The following SLC25A25 variants were observed in gnomAD, a reference collection of about 807,000 sequenced individuals.
SLC25A25 encodes solute carrier family 25 member 25, also known as mitochondrial adenyl nucleotide antiporter SLC25A25.
In SLC25A25, 32 loss-of-function variants were observed where a neutral mutation model predicts 57.7. That is an observed-to-expected ratio of 0.55 (90% CI 0.42 to 0.74). The LOEUF is 0.74. SLC25A25 is among the 30% of genes least tolerant of loss of function. The probability of loss-of-function intolerance (pLI) is 0.00; values close to 1 mark genes in which losing one functional copy is unlikely to be tolerated. For missense variants in SLC25A25, 556 were observed against 701.3 expected, an observed-to-expected ratio of 0.79 and a Z score of 2.34; for synonymous variants, 306 against 291.2, an observed-to-expected ratio of 1.05 and a Z score of -0.52.
chr9:128,074,840 A>G (rs1832976597), intron 1 of SLC25A25, among the ~76,000 whole-genome samples: 1 of 152,040 alleles, frequency 6.6e-6, no homozygotes, highest in South Asian at 2.1e-4. Context: ...GTCTCTACAA[A>G]AAATACAAAA....
Position 128,103,837 on chromosome 9 carries a change from C to A in SLC25A25, c.781C>A (p.Gln261Lys). ...APLDRLKVLMQVHASRSNNMG... is the reference protein window; with the variant it reads ...APLDRLKVLMKVHASRSNNMG... ...CCTGGACAGGCTCAAGGTGCTCATG[C>A]AGGTATGTAGGGAAAAGGCCCCAGA... is the stretch of plus-strand genomic sequence containing the variant. The change falls in exon 6 of 11, where the codon CAG becomes AAG. Residue 261 changes from glutamine (Q) to lysine (K), a missense_variant and splice_region_variant. Physicochemically the swap from Gln to Lys is moderately conservative, Grantham distance 53. Transcript: ENST00000373069. This position sits in a 1 kb window ranked among gnomAD's most constrained non-coding sequence, Gnocchi z 6.7. The A allele has an allele frequency of 1.3e-6, 2 of 1,588,838 alleles. No homozygotes were observed. Among genetic ancestry groups the A allele is most frequent in the South Asian group, 1.1e-5 (1 of 87,332 alleles).
rs763022200 is a variant in SLC25A25, at chr9:128,103,800, C to T, written c.744C>T (p.Thr248=). 1.2e-6 allele frequency: 2 copies of T among 1,612,374 alleles called. No homozygotes were observed. The highest frequency in any genetic ancestry group is 1.1e-5 in the South Asian group (1 of 90,904). Residue 248 remains threonine, a synonymous_variant, in exon 6 of 11, where the codon ACC becomes ACT. Coordinates refer to ENST00000373069, the MANE Select transcript of SLC25A25 (RefSeq NM_001330988.2). The surrounding 1 kb of genome is among the most constrained non-coding windows in gnomAD (Gnocchi z 6.7). ...AGGGAGAVSR[T]CTAPLDRLKV... is the part of the protein sequence containing the mutation. ...GTGGGGCAGGGGCCGTATCCAGAAC[C>T]TGCACGGCCCCCCTGGACAGGCTCA...
chr9:128,090,682 G>A (rs1341383295), intron 1 of SLC25A25, among the ~76,000 whole-genome samples: 1 of 152,056 alleles, frequency 6.6e-6, no homozygotes, highest in Non-Finnish European at 1.5e-5. Flanking sequence ...ATGGTGGCAG[G>A]TGCCTGTAAT....
chr9:128,100,703 G>A (rs1159831698), intron 1 of SLC25A25, among the ~76,000 whole-genome samples: 3 of 152,216 alleles, frequency 2.0e-5, no homozygotes, highest in Non-Finnish European at 4.4e-5. Flanking sequence ...TTGAAGCCTG[G>A]GTCCAGGGAC....
chr9:128,084,564 C>T (rs1480999121), intron 1 of SLC25A25, among the ~76,000 whole-genome samples: 1 of 151,398 alleles, frequency 6.6e-6, no homozygotes, highest in Admixed American at 6.6e-5. Flanking sequence ...TGGAAGCCCC[C>T]GCCTTCAAGT....
chr9:128,107,265 A>AT lies in SLC25A25; in HGVS notation c.1371dup (p.Glu458Ter), dbSNP rs1166226248. ...TGGTGGCCTCCATCCTGCAGCCTCT[A>AT]TTGAGGGCGCTCCGGAGGTGACCAT... is the stretch of plus-strand genomic sequence containing the variant. On this transcript the variant is annotated frameshift_variant, in exon 11 of 11. Coordinates refer to ENST00000373069, the MANE Select transcript of SLC25A25 (RefSeq NM_001330988.2). LOFTEE classifies it high-confidence loss of function. 1 of 1,603,638 alleles carries AT rather than the reference A, an allele frequency of 6.2e-7. No homozygotes were observed. Among genetic ancestry groups the AT allele is most frequent in the Non-Finnish European group, 8.5e-7 (1 of 1,172,646 alleles).
chr9:128,101,148 A>C lies in SLC25A25; in HGVS notation c.314A>C (p.Glu105Ala). 2 of 1,614,262 alleles carry C rather than the reference A, an allele frequency of 1.2e-6. No homozygotes were observed. The highest frequency in any genetic ancestry group is 1.7e-6 in the Non-Finnish European group (2 of 1,180,048). The change falls in exon 2 of 11, where the codon GAA becomes GCA. Residue 105 changes from glutamate (E) to alanine (A), a missense_variant. Around this residue, in one of 3 missense-constraint regions of SLC25A25, gnomAD observed 248 missense variants for 273.5 expected, o/e 0.91. Coordinates refer to ENST00000373069, the MANE Select transcript of SLC25A25 (RefSeq NM_001330988.2). The surrounding 1 kb of genome is among the most constrained non-coding windows in gnomAD (Gnocchi z 4.9). The stretch of plus-strand genomic sequence containing the variant: ...CTTGATGGGCAGCTAGACTTTGAAG[A>C]ATTTGTCCATTATCTCCAAGATCAT... The part of the protein sequence containing the change: ...KDLDGQLDFE[E>A]FVHYLQDHEK...
intron 1 of SLC25A25, among the ~76,000 whole-genome samples, chr9:128,089,382 T>C (rs1268286644): frequency 6.6e-6 from 1 of 152,184 alleles, no homozygotes; most frequent in African/African-American, 2.4e-5. Context: ...AAGTACTAAC[T>C]CCATTTTGCA....
intron 1 of SLC25A25, among the ~76,000 whole-genome samples, chr9:128,084,157 G>A (rs570761365): frequency 1.3e-5 from 2 of 151,994 alleles, no homozygotes; most frequent in Non-Finnish European, 2.9e-5. Context: ...CCAAGTAAAC[G>A]CGAAAAACTA....
intron 1 of SLC25A25, among the ~76,000 whole-genome samples, chr9:128,084,895 A>G (rs1247565922): frequency 6.6e-6 from 1 of 152,228 alleles, no homozygotes; most frequent in East Asian, 1.9e-4. Flanking sequence ...TTTATAAGCT[A>G]CTTTTACAAG....
intron 1 of SLC25A25, among the ~76,000 whole-genome samples, chr9:128,096,777 A>T (rs4837236): frequency 0.13 from 19,096 of 152,240 alleles, 1,307 homozygotes; most frequent in South Asian, 0.22. Flanking sequence ...CTGGTGGTAG[A>T]GATAAGAGGC....
chr9:128,095,641 A>G lies in SLC25A25; in HGVS notation c.262-5455A>G, dbSNP rs1833533497. Among the ~76,000 whole-genome samples, 1 of 152,184 alleles carries G rather than the reference A, an allele frequency of 6.6e-6. No individual in the cohort carries two copies. The highest frequency in any genetic ancestry group is 2.1e-4 in the South Asian group (1 of 4,830). ...TGAGACTCAGTCACAGCAGCAAATA[A>G]GTTAGAACCCTTTTAAAAATTAGCT... On this transcript the variant is annotated intron_variant, in intron 1 of 10. Transcript: ENST00000373069. This position sits in a 1 kb window ranked among gnomAD's most constrained non-coding sequence, Gnocchi z 4.4.
At chr9:128,100,096 G>A (rs1833725450) in intron 1 of SLC25A25, among the ~76,000 whole-genome samples, 1 of 152,180 alleles carries the variant, frequency 6.6e-6, no homozygotes, top group Admixed American at 6.5e-5. Flanking sequence ...CACTTCCCTA[G>A]CTGTCTGACC....
intron 1 of SLC25A25, among the ~76,000 whole-genome samples, chr9:128,097,258 G>C (rs1833588116): frequency 6.6e-6 from 1 of 152,194 alleles, no homozygotes; most frequent in East Asian, 1.9e-4. Context: ...CGAATCTGTG[G>C]GGAAGGAATG....
chr9:128,101,959 G>T lies in SLC25A25; in HGVS notation c.477-121G>T, dbSNP rs927467579. 2.7e-6 allele frequency: 3 copies of T among 1,131,586 alleles called. No homozygotes were observed. In the African/African-American group the frequency reaches 4.6e-5, roughly 17 times the overall value. The allele number at this position is 1,131,586 out of a possible 1,614,324, so 70.1% of individuals were successfully genotyped here. On this transcript the variant is annotated intron_variant, in intron 3 of 10. Transcript: ENST00000373069. The surrounding 1 kb of genome is among the most constrained non-coding windows in gnomAD (Gnocchi z 4.9). ...GCCCTGGGCTCAGCTGCTGTGGCGG[G>T]CTCGTCTCGTGCCGTGCTGTGCCCC...
In SLC25A25 at chr9:128,077,986, A is replaced by C. The variant is rs140244574; in HGVS notation, c.261+9406A>C. On this transcript the variant is annotated intron_variant, in intron 1 of 10. Coordinates refer to ENST00000373069, the MANE Select transcript of SLC25A25 (RefSeq NM_001330988.2). ...GGTTGCAGTGAACCGAGACTGCGCC[A>C]CTGCACTCCAGTCTGGTCAACAGAG... is the stretch of plus-strand genomic sequence containing the variant. 7.8e-4 allele frequency among the ~76,000 whole-genome samples: 118 copies of C among 151,782 alleles called. 1 individual carries two copies. The East Asian group carries it at 0.021, about 27-fold the overall frequency.
At chr9:128,076,406 C>T (rs1588748583) in intron 1 of SLC25A25, among the ~76,000 whole-genome samples, 1 of 152,238 alleles carries the variant, frequency 6.6e-6, no homozygotes, top group East Asian at 1.9e-4. Context: ...GTTAGGATTA[C>T]AGGCATGAGC....
In SLC25A25 at chr9:128,105,158, C is replaced by CTTT. The variant is rs11351573; in HGVS notation, c.784-545_784-543dup. Among the ~76,000 whole-genome samples the CTTT allele has an allele frequency of 1.3e-3, 37 of 29,176 alleles. 1 individual carries two copies. Among genetic ancestry groups the CTTT allele is most frequent in the African/African-American group, 5.7e-3 (36 of 6,276 alleles). The allele number at this position is 29,176 out of a possible 152,430, so 19.1% of individuals were successfully genotyped here. A position where few individuals can be genotyped will look rare whatever the true frequency, so the allele number is the denominator to read the frequency against. On this transcript the variant is annotated intron_variant, in intron 6 of 10. Transcript: ENST00000373069. ...ACAGATGTGAGCCAACACTCCCGGC[C>CTTT]TTTTTTTTTTTTTTTTTTTTTTTTT...
intron 1 of SLC25A25, among the ~76,000 whole-genome samples, chr9:128,086,760 G>A: frequency 6.6e-6 from 1 of 152,106 alleles, no homozygotes; most frequent in African/African-American, 2.4e-5. Context: ...ACAGGTGAGA[G>A]CCACCATACC....
Sources: allele counts gnomAD v4.1 joint callset (sites outside exome capture counted in the v4.1 genomes callset), GRCh38; gene constraint gnomAD v4.1.1; regional missense constraint gnomAD v4.1.1; non-coding constraint Gnocchi (gnomAD v3.1); transcripts MANE v1.5; gene names NCBI Gene and HGNC (gene_info 2026-07-23, HGNC 2026-07-21).